Variants in CAMK1D observed in about 807,000 individuals in gnomAD.
CAMK1D encodes calcium/calmodulin-dependent protein kinase type 1D.
A neutral mutation model predicts 47.7 loss-of-function variants in CAMK1D; 9 were observed. The ratio of observed to expected loss-of-function variants is 0.19; its 90% CI spans 0.11 to 0.33. The LOEUF (loss-of-function observed/expected upper bound fraction) is 0.33. Among genes scored for constraint, CAMK1D ranks in the 10% least tolerant of loss-of-function variants. CAMK1D has a pLI of 1.00. For synonymous variants in CAMK1D, 184 were observed against 184.9 expected (o/e 0.99, Z 0.04); for missense variants, 291 against 488.7 (o/e 0.60, Z 3.81).
At chr10:12,675,733 G>C (rs542977223) in intron 3 of CAMK1D, among the ~76,000 whole-genome samples, 4 of 152,040 alleles carry the variant, frequency 2.6e-5, no homozygotes, top group African/African-American at 9.7e-5. Flanking sequence ...TCTCATCTTC[G>C]AGTCAAAGAC....
rs186240027 is a variant in CAMK1D at position 12,796,807 on chromosome 10, T to C, written c.641+5574T>C. Reference sequence around the variant, plus strand: ...GTGGGCCCATGGTCTGGATTTTGGCTTTAGAAATTTGGAAACTTAGTTTGA... The same window carrying C: ...GTGGGCCCATGGTCTGGATTTTGGCCTTAGAAATTTGGAAACTTAGTTTGA... On this transcript the variant is annotated intron_variant, in intron 6 of 10. Coordinates refer to ENST00000619168, the MANE Select transcript of CAMK1D (RefSeq NM_153498.4). 1.3e-3 allele frequency among the ~76,000 whole-genome samples: 193 copies of C among 152,306 alleles called. 3 individuals carry two copies. The highest frequency in any genetic ancestry group is 4.5e-3 in the African/African-American group (186 of 41,566).
chr10:12,391,793 A>T (rs975026185), intron 1 of CAMK1D, among the ~76,000 whole-genome samples: 2 of 152,204 alleles, frequency 1.3e-5, no homozygotes, highest in African/African-American at 4.8e-5. Context: ...GAACCGAATC[A>T]TCCAGGACTC....
At chr10:12,587,808 A>G (rs1409951456) in intron 2 of CAMK1D, among the ~76,000 whole-genome samples, 1 of 152,168 alleles carries the variant, frequency 6.6e-6, no homozygotes, top group Admixed American at 6.5e-5. Context: ...TTGCCTTAGC[A>G]TCTCCGTAGA....
intron 2 of CAMK1D, among the ~76,000 whole-genome samples, chr10:12,572,631 T>C (rs971376102): frequency 3.3e-5 from 5 of 152,024 alleles, no homozygotes; most frequent in African/African-American, 4.8e-5. Flanking sequence ...ACTTTTTTTT[T>C]CTAAAGTTTT....
intron 1 of CAMK1D, among the ~76,000 whole-genome samples, chr10:12,520,332 C>T (rs1003817791): frequency 5.6e-5 from 5 of 89,582 alleles, no homozygotes; most frequent in East Asian, 3.2e-4. Context: ...AGACGATGGG[C>T]GGGTCAGGCA....
At chr10:12,555,044 T>C (rs562840088) in intron 2 of CAMK1D, among the ~76,000 whole-genome samples, 1 of 152,284 alleles carries the variant, frequency 6.6e-6, no homozygotes, top group East Asian at 1.9e-4. Flanking sequence ...TTTTTAAGAG[T>C]TGCTATTAAT....
At chr10:12,414,912 A>G (rs1214218619) in intron 1 of CAMK1D, among the ~76,000 whole-genome samples, 2 of 152,004 alleles carry the variant, frequency 1.3e-5, no homozygotes, top group Admixed American at 6.6e-5. Context: ...ATGGAGAGTG[A>G]GTTTCTTTTC....
rs139879425 is a variant in CAMK1D, at chr10:12,748,837, C to T, written c.300-12111C>T. On this transcript the variant is annotated intron_variant, in intron 3 of 10. Transcript: ENST00000619168. ...GGAGGATTGCTTGAGCCTAGGAGTT[C>T]AAGGCTGCAGTGAGCTTGAACTCAC... Among the ~76,000 whole-genome samples the T allele has an allele frequency of 1.8e-4, 27 of 152,238 alleles. No individual in the cohort carries two copies. In the East Asian group the frequency reaches 4.8e-3, roughly 27 times the overall value.
At chr10:12,495,824 T>C (rs1057402817) in intron 1 of CAMK1D, among the ~76,000 whole-genome samples, 1 of 152,170 alleles carries the variant, frequency 6.6e-6, no homozygotes, top group African/African-American at 2.4e-5. Flanking sequence ...TTCCTTTATA[T>C]GTATATATTT....
chr10:12,714,146 G>C (rs530438676), intron 3 of CAMK1D, among the ~76,000 whole-genome samples: 7 of 152,300 alleles, frequency 4.6e-5, no homozygotes, highest in African/African-American at 1.4e-4. Flanking sequence ...AGGGGCTGCT[G>C]ACTTGGAAGG....
At chr10:12,674,617 T>TTTTTTTTTTTTC (rs398012836) in intron 3 of CAMK1D, among the ~76,000 whole-genome samples, 3 of 145,242 alleles carry the variant, frequency 2.1e-5, no homozygotes, top group Non-Finnish European at 3.0e-5. Flanking sequence ...TTTTTTTTTT[T>TTTTTTTTTTTTC]CAGAATTCTG....
intron 1 of CAMK1D, among the ~76,000 whole-genome samples, chr10:12,544,820 A>AGTACTAGTGTTGAGTGGATG (rs1564402565): frequency 1.9e-4 from 24 of 123,212 alleles, no homozygotes; most frequent in South Asian, 5.9e-4. Flanking sequence ...TTGAGTGGAT[A>AGTACTAGTGTTGAGTGGATG]GTACTAGTGT....
chr10:12,567,350 A>T (rs1385192633), intron 2 of CAMK1D, among the ~76,000 whole-genome samples: 2 of 152,154 alleles, frequency 1.3e-5, no homozygotes, highest in African/African-American at 4.8e-5. Context: ...TTTCCCACGT[A>T]CCATGATGGA....
chr10:12,652,497 G>A (rs1840004859), intron 2 of CAMK1D, among the ~76,000 whole-genome samples: 1 of 151,878 alleles, frequency 6.6e-6, no homozygotes, highest in Admixed American at 6.6e-5. Flanking sequence ...CTGAGGCAGG[G>A]GAATGGTGTG....
chr10:12,529,841 T>C (rs1273123634), intron 1 of CAMK1D, among the ~76,000 whole-genome samples: 1 of 152,216 alleles, frequency 6.6e-6, no homozygotes, highest in Non-Finnish European at 1.5e-5. Context: ...CCCATGAGCC[T>C]TTCAGGATGA....
At position 12,415,141 on chromosome 10, in the gene CAMK1D, C is replaced by A. The variant is rs1839797850; in HGVS notation, c.92+65231C>A. ...TTAACTTTCCTTTTCTTGAAGATTG[C>A]AGCTGCCTTTTTCCAAAGGGTTTCC... On this transcript the variant is annotated intron_variant, in intron 1 of 10. Coordinates refer to ENST00000619168, the MANE Select transcript of CAMK1D (RefSeq NM_153498.4). Among the ~76,000 whole-genome samples the A allele has an allele frequency of 3.3e-5, 5 of 152,082 alleles. No homozygotes were observed. In the South Asian group the frequency reaches 1.0e-3, roughly 32 times the overall value.
At chr10:12,417,246 G>A (rs1442689467) in intron 1 of CAMK1D, among the ~76,000 whole-genome samples, 1 of 152,140 alleles carries the variant, frequency 6.6e-6, no homozygotes, top group Non-Finnish European at 1.5e-5. Flanking sequence ...TTCCATCTGT[G>A]TGTGTATGTA....
chr10:12,579,285 C>T (rs1837591369), intron 2 of CAMK1D, among the ~76,000 whole-genome samples: 1 of 152,144 alleles, frequency 6.6e-6, no homozygotes, highest in African/African-American at 2.4e-5. Flanking sequence ...TAGCATTCCT[C>T]ATATCTTTCC....
chr10:12,503,006 A>G (rs1460882956), intron 1 of CAMK1D, among the ~76,000 whole-genome samples: 1 of 151,936 alleles, frequency 6.6e-6, no homozygotes, highest in East Asian at 1.9e-4. Flanking sequence ...GGCTGTTCGC[A>G]TGCACGCGTG....
Sources: allele counts gnomAD v4.1 joint callset (sites outside exome capture counted in the v4.1 genomes callset), GRCh38; gene constraint gnomAD v4.1.1; transcripts MANE v1.5; gene names NCBI Gene and HGNC (gene_info 2026-07-23, HGNC 2026-07-21).